Variants in RTP5 observed in about 807,000 individuals in gnomAD.
RTP5 encodes receptor-transporting protein 5.
RTP5 carries 30 observed loss-of-function variants against 23.5 expected under a neutral mutation model. The ratio of observed to expected loss-of-function variants is 1.27; its 90% CI spans 0.95 to 1.73. RTP5 has a LOEUF of 1.73. RTP5 is among the 40% of genes most tolerant of loss of function. The probability of loss-of-function intolerance (pLI) is 0.00; values close to 1 mark genes in which losing one functional copy is unlikely to be tolerated. For synonymous variants in RTP5, 354 were observed against 342.1 expected, an observed-to-expected ratio of 1.03 and a Z score of -0.38; for missense variants, 807 against 784.2, an observed-to-expected ratio of 1.03 and a Z score of -0.35.
Position 241,871,935 on chromosome 2 carries a change from G to C in RTP5, c.380G>C (p.Gly127Ala). ...TTGCACATCCTGCAGGACTGCTACG[G>C]GGATGGCCCCGGCCCAGCCCGGCAC... ...LVLHILQDCY[G>A]DGPGPARHPR... Residue 127 changes from glycine (G) to alanine (A), a missense_variant, in exon 2 of 2, where the codon GGG becomes GCG. Gly to Ala is a moderately conservative substitution (Grantham distance 60). Coordinates refer to ENST00000343216, the MANE Select transcript of RTP5 (RefSeq NM_173821.3). The C allele has an allele frequency of 6.3e-7, 1 of 1,589,718 alleles. No individual in the cohort carries two copies. The highest frequency in any genetic ancestry group is 8.6e-7 in the Non-Finnish European group (1 of 1,168,282).
At position 241,872,165 on chromosome 2, in the gene RTP5, A is replaced by G. The variant is rs772169052; in HGVS notation, c.610A>G (p.Ile204Val). 6.2e-7 allele frequency: 1 copy of G among 1,612,074 alleles called. No homozygotes were observed. Among genetic ancestry groups the G allele is most frequent in the Non-Finnish European group, 8.5e-7 (1 of 1,179,312 alleles). Residue 204 changes from isoleucine (I) to valine (V), a missense_variant, in exon 2 of 2, where the codon ATC becomes GTC. By Grantham distance (29) the Ile-to-Val change is conservative. Coordinates refer to ENST00000343216, the MANE Select transcript of RTP5 (RefSeq NM_173821.3). ...DLGKGGVVIAIPFSLVGTSND... is the reference protein window; with the variant it reads ...DLGKGGVVIAVPFSLVGTSND... ...TGGCAAGGGTGGCGTTGTCATCGCC[A>G]TCCCCTTCTCCCTTGTGGGTACCAG...
At chr2:241,871,048 C>A (rs895314275) in intron 1 of RTP5, 1 of 470,922 alleles carries the variant, frequency 2.1e-6, no homozygotes, top group Non-Finnish European at 4.4e-6. Context: ...GGTCTGATGA[C>A]CGCCATGGAC....
chr2:241,870,234 G>A (rs760903499), intron 1 of RTP5, among the ~76,000 whole-genome samples: 1 of 152,230 alleles, frequency 6.6e-6, no homozygotes, highest in Admixed American at 6.5e-5. Context: ...CCGTGGTCTC[G>A]CAGCCATCAG....
chr2:241,872,167 C>T lies in RTP5; in HGVS notation c.612C>T (p.Ile204=). The T allele has an allele frequency of 6.2e-7, 1 of 1,612,248 alleles. No homozygotes were observed. The highest frequency in any genetic ancestry group is 8.5e-7 in the Non-Finnish European group (1 of 1,179,440). ...DLGKGGVVIA[I]PFSLVGTSND... is the part of the protein sequence containing the mutation. The stretch of plus-strand genomic sequence containing the variant: ...GCAAGGGTGGCGTTGTCATCGCCAT[C>T]CCCTTCTCCCTTGTGGGTACCAGCA... Residue 204 remains isoleucine, a synonymous_variant, in exon 2 of 2, where the codon ATC becomes ATT. Transcript: ENST00000343216.
In RTP5 at chr2:241,872,206, C is replaced by A; in HGVS notation, c.651C>A (p.Pro217=). ...TGGGTACCAGCAATGACCAGGTGCC[C>A]ATCGCTGAGGGCCCTGCCCCCCCTG... is the stretch of plus-strand genomic sequence containing the variant. The part of the protein sequence containing the change: ...SLVGTSNDQV[P]IAEGPAPPAG... Residue 217 remains proline (P), a synonymous_variant, in exon 2 of 2, where the codon CCC becomes CCA. Transcript: ENST00000343216. 6.2e-7 allele frequency: 1 copy of A among 1,611,572 alleles called. No homozygotes were observed. Among genetic ancestry groups the A allele is most frequent in the South Asian group, 1.1e-5 (1 of 91,060 alleles).
At position 241,872,737 on chromosome 2, in the gene RTP5, C is replaced by T. The variant is rs754557934; in HGVS notation, c.1182C>T (p.Gly394=). 4 of 1,595,684 alleles carry T rather than the reference C, an allele frequency of 2.5e-6. No individual in the cohort carries two copies. The highest frequency in any genetic ancestry group is 2.6e-6 in the Non-Finnish European group (3 of 1,170,208). The change falls in exon 2 of 2, where the codon GGC becomes GGT. Residue 394 remains glycine (G), a synonymous_variant. Coordinates refer to ENST00000343216, the MANE Select transcript of RTP5 (RefSeq NM_173821.3). The part of the protein sequence containing the change: ...VAEGNGKEGG[G]QGLVPVGHDA... Reference sequence around the variant, plus strand: ...AAGGCAACGGGAAGGAAGGAGGCGGCCAGGGCCTCGTCCCAGTGGGTCACG... The same window carrying T: ...AAGGCAACGGGAAGGAAGGAGGCGGTCAGGGCCTCGTCCCAGTGGGTCACG...
rs1298339657 is a variant in RTP5 at position 241,872,557 on chromosome 2, CG to C, written c.1006del (p.Glu336ArgfsTer147). The C allele has an allele frequency of 1.6e-5, 24 of 1,544,754 alleles. No homozygotes were observed. The highest frequency in any genetic ancestry group is 2.8e-5 in the African/African-American group (2 of 72,710). Reference protein sequence around the residue: ...VFYCVGLSASGEGSLTFPSSL... With the variant: ...VFYCVGLSASXEGSLTFPSSL... The stretch of plus-strand genomic sequence containing the variant: ...TCTACTGTGTGGGCCTCTCGGCCAG[CG>C]GGGAGGGCTCCCTCACCTTCCCCTC... On this transcript the variant is annotated frameshift_variant, in exon 2 of 2. Coordinates refer to ENST00000343216, the MANE Select transcript of RTP5 (RefSeq NM_173821.3). LOFTEE classifies it high-confidence loss of function.
At chr2:241,871,602 G>A in intron 1 of RTP5, 112 bp from the exon 2 acceptor site, 1 of 1,349,602 alleles carries the variant, frequency 7.4e-7, no homozygotes. Flanking sequence ...GTGAGGCAGG[G>A]GGCAGCGAGG....
chr2:241,870,213 C>A (rs902905072), intron 1 of RTP5, among the ~76,000 whole-genome samples: 1 of 152,256 alleles, frequency 6.6e-6, no homozygotes, highest in Admixed American at 6.5e-5. Context: ...TCTCCTGCTT[C>A]CATGGCACTG....
chr2:241,871,171 G>A (rs1424833533), intron 1 of RTP5: 1 of 421,014 alleles, frequency 2.4e-6, no homozygotes, highest in Non-Finnish European at 4.9e-6. Flanking sequence ...TCAGCTGGCA[G>A]GCGACCTCCT....
intron 1 of RTP5, chr2:241,871,275 G>T: frequency 2.9e-6 from 1 of 348,668 alleles, no homozygotes; most frequent in Non-Finnish European, 5.7e-6. Context: ...TAAGTGTGTC[G>T]GCAGGCCTGC....
chr2:241,872,720 G>A lies in RTP5; in HGVS notation c.1165G>A (p.Gly389Arg), dbSNP rs750252173. 45 of 1,598,210 alleles carry A rather than the reference G, an allele frequency of 2.8e-5. No homozygotes were observed. Among genetic ancestry groups the A allele is most frequent in the Admixed American group, 5.2e-5 (3 of 57,958 alleles). ...CGTTGCTGAGGTGGCTGAAGGCAAC[G>A]GGAAGGAAGGAGGCGGCCAGGGCCT... ...DAVAEVAEGN[G>R]KEGGGQGLVP... Residue 389 changes from glycine (G) to arginine (R), a missense_variant, in exon 2 of 2, where the codon GGG becomes AGG. Physicochemically the swap from Gly to Arg is moderately radical, Grantham distance 125 (BLOSUM62 -2). Coordinates refer to ENST00000343216, the MANE Select transcript of RTP5 (RefSeq NM_173821.3).
Position 241,873,163 on chromosome 2 carries a change from G to A in RTP5, c.1608G>A (p.Pro536=), listed in dbSNP as rs1041685998. The A allele has an allele frequency of 3.1e-6, 5 of 1,611,882 alleles. No homozygotes were observed. The Admixed American group carries it at 5.0e-5, about 16-fold the overall frequency. Residue 536 remains proline, a synonymous_variant, in exon 2 of 2, where the codon CCG becomes CCA. Transcript: ENST00000343216. The part of the protein sequence containing the change: ...DERPGRACRR[P]HAEPYEDFWI... ...GCCCTGGCCGTGCCTGCCGTAGGCC[G>A]CACGCCGAGCCCTACGAGGACTTCT...
chr2:241,871,817 C>A lies in RTP5; in HGVS notation c.262C>A (p.Arg88Ser). 1 of 1,566,554 alleles carries A rather than the reference C, an allele frequency of 6.4e-7. No individual in the cohort carries two copies. The highest frequency in any genetic ancestry group is 1.2e-5 in the South Asian group (1 of 85,062). ...RASHRGLVKMRIWGQRCRLCP... is the reference protein window; with the variant it reads ...RASHRGLVKMSIWGQRCRLCP... The stretch of plus-strand genomic sequence containing the variant: ...CAGCCACCGGGGGCTGGTGAAGATG[C>A]GCATCTGGGGCCAGCGGTGCAGGCT... The change falls in exon 2 of 2, where the codon CGC becomes AGC. Residue 88 changes from arginine to serine, a missense_variant. Arg to Ser is a moderately radical substitution (Grantham distance 110). Coordinates refer to ENST00000343216, the MANE Select transcript of RTP5 (RefSeq NM_173821.3).
Position 241,873,318 on chromosome 2 carries a change from G to GCCTCTGAGACCCCGCCTCA in RTP5, c.*54_*55insCCCGCCTCACCTCTGAGAC, listed in dbSNP as rs1701364224. 1 of 1,507,156 alleles carries GCCTCTGAGACCCCGCCTCA rather than the reference G, an allele frequency of 6.6e-7. No individual in the cohort carries two copies. The highest frequency in any genetic ancestry group is 1.5e-5 in the African/African-American group (1 of 65,942). The allele number at this position is 1,507,156 out of a possible 1,614,324, so 93.4% of individuals were successfully genotyped here. On this transcript the variant is annotated 3_prime_UTR_variant, in exon 2 of 2. Coordinates refer to ENST00000343216, the MANE Select transcript of RTP5 (RefSeq NM_173821.3). ...ACCCTCGCCTCTGGGACCCCGCCTC[G>GCCTCTGAGACCCCGCCTCA]CCTCTGAGACACCCCCCAACCCCGC...
At position 241,873,362 on chromosome 2, in the gene RTP5, GCCTCCGAGACCCCGCCTCCA is replaced by G. The variant is rs1415839637; in HGVS notation, c.*102_*121del. Reference sequence around the variant, plus strand: ...ACCCCGCCTTTGAGATGCCCGCCCCGCCTCCGAGACCCCGCCTCCACCTCCGAGACCCCTTTCTCTGAGAC... The same window carrying G: ...ACCCCGCCTTTGAGATGCCCGCCCCGCCTCCGAGACCCCTTTCTCTGAGAC... On this transcript the variant is annotated 3_prime_UTR_variant, in exon 2 of 2. Coordinates refer to ENST00000343216, the MANE Select transcript of RTP5 (RefSeq NM_173821.3). 9 of 1,213,740 alleles carry G rather than the reference GCCTCCGAGACCCCGCCTCCA, an allele frequency of 7.4e-6. No homozygotes were observed. In the African/African-American group the frequency reaches 1.0e-4, roughly 14 times the overall value. 75.2% of individuals were successfully genotyped at this position (1,213,740 alleles called of 1,614,324 possible). A position where few individuals can be genotyped will look rare whatever the true frequency, so the allele number is the denominator to read the frequency against.
chr2:241,870,378 C>T (rs1279705338), intron 1 of RTP5, among the ~76,000 whole-genome samples: 1 of 152,242 alleles, frequency 6.6e-6, no homozygotes, highest in East Asian at 1.9e-4. Context: ...CACAGGCCGT[C>T]ATCACGGTTG....
chr2:241,871,234 G>A (rs901936662), intron 1 of RTP5: 27 of 367,260 alleles, frequency 7.4e-5, no homozygotes, highest in African/African-American at 5.1e-4. Flanking sequence ...AGCCCCCAGG[G>A]ACAGCCCCCA....
At chr2:241,871,268 G>A in intron 1 of RTP5, 1 of 350,470 alleles carries the variant, frequency 2.9e-6, no homozygotes, top group South Asian at 2.1e-5. Flanking sequence ...CCCCTCCTAA[G>A]TGTGTCGGCA....
Sources: gnomAD v4.1 joint callset for allele counts (sites outside exome capture counted in the v4.1 genomes callset) on GRCh38, gnomAD v4.1.1 for gene constraint, MANE v1.5 for transcripts, NCBI Gene and HGNC (gene_info 2026-07-23, HGNC 2026-07-21) for gene names.